The following ZNF266 variants were observed in gnomAD, a reference collection of about 807,000 sequenced individuals.
The protein encoded by ZNF266 is zinc finger protein 1.
In ZNF266, 16 loss-of-function variants were observed where a neutral mutation model predicts 16.4. The observed-to-expected ratio is 0.98, with a 90% confidence interval of 0.66 to 1.48. The LOEUF (loss-of-function observed/expected upper bound fraction) is 1.48. Ranked by LOEUF, ZNF266 falls within the 40% of genes most tolerant of loss-of-function variation. The probability of loss-of-function intolerance (pLI) is 0.00; values close to 1 mark genes in which losing one functional copy is unlikely to be tolerated. For synonymous variants in ZNF266, 262 were observed against 237.9 expected (o/e 1.10, Z -0.93); for missense variants, 738 against 689.1 (o/e 1.07, Z -0.79).
In ZNF266 at chr19:9,435,498, A is replaced by C. The variant is rs978304310; in HGVS notation, c.-772T>G. ...CTCCCACCCGTCATCCGACCTCGCC[A>C]AAGCTGTATTAAGCCCAAACGCCAC... On this transcript the variant is annotated 5_prime_UTR_variant, in exon 1 of 11. Coordinates refer to ENST00000592904, the MANE Select transcript of ZNF266 (RefSeq NM_001370374.1). 19 of 152,460 alleles carry C rather than the reference A, an allele frequency of 1.2e-4. No homozygotes were observed. The highest frequency in any genetic ancestry group is 4.6e-4 in the African/African-American group (19 of 41,570). 9.4% of individuals were successfully genotyped at this position (152,460 alleles called of 1,614,324 possible). A position where few individuals can be genotyped will look rare whatever the true frequency, so the allele number is the denominator to read the frequency against.
intron 9 of ZNF266, 121 bp from the exon 10 acceptor site, chr19:9,415,863 G>C: frequency 2.6e-6 from 2 of 756,422 alleles, no homozygotes; most frequent in Middle Eastern, 2.6e-4. Flanking sequence ...TCACTCTGTT[G>C]CCCAGGCTGG....
intron 8 of ZNF266, 138 bp from the exon 9 acceptor site, chr19:9,418,046 T>C: frequency 1.2e-6 from 1 of 869,270 alleles, no homozygotes; most frequent in Non-Finnish European, 1.8e-6. Flanking sequence ...ATCGTCTGTC[T>C]GTGCCCCCAA....
Position 9,418,607 on chromosome 19 carries a change from C to T in ZNF266, c.133G>A (p.Ala45Thr). Reference sequence around the variant, plus strand: ...CATTCTTCTGGGGTGAAGTCCACAGCCAGATCATCAAAAGTCACTGAATCC... The same window carrying T: ...CATTCTTCTGGGGTGAAGTCCACAGTCAGATCATCAAAAGTCACTGAATCC... ...YQDSVTFDDL[A>T]VDFTPEEWTL... The change falls in exon 8 of 11, where the codon GCT (alanine) becomes ACT (threonine). Residue 45 changes from alanine to threonine, a missense_variant. By Grantham distance (58) the Ala-to-Thr change is moderately conservative. Coordinates refer to ENST00000592904, the MANE Select transcript of ZNF266 (RefSeq NM_001370374.1). The T allele has an allele frequency of 6.5e-7, 1 of 1,528,568 alleles. No homozygotes were observed. 94.7% of individuals were successfully genotyped at this position (1,528,568 alleles called of 1,614,324 possible). A position where few individuals can be genotyped will look rare whatever the true frequency, so the allele number is the denominator to read the frequency against.
chr19:9,434,034 T>C (rs2072063611), intron 4 of ZNF266, 41 bp downstream of exon 4: 2 of 152,118 alleles, frequency 1.3e-5, no homozygotes, highest in East Asian at 3.9e-4. Context: ...TCCCACCACA[T>C]TGTTTCCCCA....
At chr19:9,429,533 C>T (rs1345774711) in intron 5 of ZNF266, among the ~76,000 whole-genome samples, 1 of 152,034 alleles carries the variant, frequency 6.6e-6, no homozygotes, top group African/African-American at 2.4e-5. Context: ...CTTGTCCTAG[C>T]CCAAAATATC....
chr19:9,425,722 TG>T (rs1294825563), intron 5 of ZNF266, among the ~76,000 whole-genome samples: 2 of 152,106 alleles, frequency 1.3e-5, no homozygotes, highest in African/African-American at 2.4e-5. Flanking sequence ...CTAAATTGGG[TG>T]GGTCCTCCAT....
chr19:9,424,220 CAAAAAAAAAA>C (rs55740067), intron 5 of ZNF266, among the ~76,000 whole-genome samples: 1 of 121,634 alleles, frequency 8.2e-6, no homozygotes, highest in Non-Finnish European at 1.8e-5. Flanking sequence ...AACCAAGAGG[CAAAAAAAAAA>C]AAAAAAAAAA....
chr19:9,430,479 CCA>C (rs1217472770), intron 5 of ZNF266, among the ~76,000 whole-genome samples: 2 of 152,196 alleles, frequency 1.3e-5, no homozygotes, highest in African/African-American at 4.8e-5. Flanking sequence ...TCCAACCACA[CCA>C]CTCTTGCCCC....
rs185803053 is a variant in ZNF266, at chr19:9,427,405, C to T, written c.-130+6263G>A. 1.4e-4 allele frequency among the ~76,000 whole-genome samples: 22 copies of T among 152,098 alleles called. No homozygotes were observed. The East Asian group carries it at 2.5e-3, about 17-fold the overall frequency. ...CACAATCTCGGTTCACTGCAACCTCCGCCACCCAGGGTTCAAGGGATTCTA... is the reference window on the plus strand; with the variant it reads ...CACAATCTCGGTTCACTGCAACCTCTGCCACCCAGGGTTCAAGGGATTCTA... On this transcript the variant is annotated intron_variant, in intron 5 of 10. Transcript: ENST00000592904.
chr19:9,413,777 T>C lies in ZNF266; in HGVS notation c.1349A>G (p.Lys450Arg), dbSNP rs1252924441. The C allele has an allele frequency of 6.2e-7, 1 of 1,614,162 alleles. No individual in the cohort carries two copies. The highest frequency in any genetic ancestry group is 8.5e-7 in the Non-Finnish European group (1 of 1,180,030). Reference sequence around the variant, plus strand: ...TCTGGCAAAGGCCTTTCCACATTCCTTACATTCATAGGGCCTCTCTCCACT... The same window carrying C: ...TCTGGCAAAGGCCTTTCCACATTCCCTACATTCATAGGGCCTCTCTCCACT... ...THSGERPYEC[K>R]ECGKAFARSS... The change falls in exon 11 of 11, where the codon AAG becomes AGG. Residue 450 changes from lysine (K) to arginine (R), a missense_variant. Coordinates refer to ENST00000592904, the MANE Select transcript of ZNF266 (RefSeq NM_001370374.1).
chr19:9,417,993 A>G, intron 8 of ZNF266, 85 bp from the exon 9 acceptor site: 1 of 1,321,336 alleles, frequency 7.6e-7, no homozygotes. Context: ...TATAGTTCCA[A>G]TGGAAGCAGT....
At chr19:9,420,770 A>G (rs34450188) in intron 5 of ZNF266, 84,982 of 151,300 alleles carry the variant, frequency 0.56, 24,144 homozygotes, top group Middle Eastern at 0.63. Context: ...AAAAAAAAAA[A>G]AAGAAAAAGA....
chr19:9,419,823 C>A (rs1234727056), intron 6 of ZNF266: 2 of 151,748 alleles, frequency 1.3e-5, no homozygotes, highest in Non-Finnish European at 2.9e-5. Context: ...ATCGCTTGAA[C>A]CTGGGGGGCA....
chr19:9,415,159 G>A (rs894295457), intron 10 of ZNF266, among the ~76,000 whole-genome samples: 2 of 152,196 alleles, frequency 1.3e-5, no homozygotes, highest in African/African-American at 4.8e-5. Flanking sequence ...GCCGGGCATG[G>A]TGGCACGTGC....
chr19:9,424,542 T>A (rs564705718), intron 5 of ZNF266, among the ~76,000 whole-genome samples: 1 of 152,220 alleles, frequency 6.6e-6, no homozygotes, highest in Non-Finnish European at 1.5e-5. Context: ...AAGTAAACCA[T>A]GGACATCAAC....
At chr19:9,414,865 C>A (rs1599425806) in intron 10 of ZNF266, 145 bp from the exon 11 acceptor site, 4 of 950,468 alleles carry the variant, frequency 4.2e-6, no homozygotes, top group East Asian at 5.7e-5. Flanking sequence ...CTTTTGATTT[C>A]TTTCCAGCGG....
chr19:9,420,442 A>G (rs2069683541), intron 5 of ZNF266: 1 of 152,108 alleles, frequency 6.6e-6, no homozygotes, highest in Non-Finnish European at 1.5e-5. Context: ...AGTAGATACC[A>G]ATGACCCCTA....
In ZNF266 at chr19:9,413,909, A is replaced by G; in HGVS notation, c.1217T>C (p.Leu406Pro). The G allele has an allele frequency of 3.1e-6, 5 of 1,614,200 alleles. No individual in the cohort carries two copies. The highest frequency in any genetic ancestry group is 4.2e-6 in the Non-Finnish European group (5 of 1,180,042). The change falls in exon 11 of 11, where the codon CTC (leucine) becomes CCC (proline). Residue 406 changes from leucine (L) to proline (P), a missense_variant. Physicochemically the swap from Leu to Pro is moderately conservative, Grantham distance 98. Coordinates refer to ENST00000592904, the MANE Select transcript of ZNF266 (RefSeq NM_001370374.1). ...AGTGTGAATTCGAAAGTGATCACTG[A>G]GGCATGAGGAATTTCTAAAGGATTT... ...CGKSFRNSSC[L>P]SDHFRIHTGI...
chr19:9,417,521 G>GT (rs1238930031), intron 9 of ZNF266, among the ~76,000 whole-genome samples: 1 of 152,156 alleles, frequency 6.6e-6, no homozygotes, highest in Non-Finnish European at 1.5e-5. Context: ...GAGATCAGGA[G>GT]TTTGAGACCA....
Sources: allele counts gnomAD v4.1 joint callset (sites outside exome capture counted in the v4.1 genomes callset), GRCh38; gene constraint gnomAD v4.1.1; transcripts MANE v1.5; gene names NCBI Gene and HGNC (gene_info 2026-07-23, HGNC 2026-07-21).